DOCK10: variants seen among roughly 807,000 people sequenced by gnomAD.
The protein encoded by DOCK10 is dedicator of cytokinesis 10, also known as dedicator of cytokinesis protein 10.
In DOCK10, 145 loss-of-function variants were observed where a neutral mutation model predicts 280.1. The observed-to-expected ratio is 0.52, with a 90% CI of 0.45 to 0.59. The LOEUF is 0.59. Among genes scored for constraint, DOCK10 ranks in the 20% least tolerant of loss-of-function variants. The probability of loss-of-function intolerance (pLI) is 0.00; values close to 1 mark genes in which losing one functional copy is unlikely to be tolerated. For synonymous variants in DOCK10, 915 were observed against 942.2 expected (o/e 0.97, Z 0.53); for missense variants, 2,368 against 2,651.7 (o/e 0.89, Z 2.35).
At chr2:224,962,088 C>T (rs1304950321) in intron 1 of DOCK10, among the ~76,000 whole-genome samples, 1 of 152,192 alleles carries the variant, frequency 6.6e-6, no homozygotes, top group Non-Finnish European at 1.5e-5. Flanking sequence ...AAGACCTCTG[C>T]ATCTGTCCCA....
At chr2:224,989,683 C>T (rs1425961138) in intron 1 of DOCK10, among the ~76,000 whole-genome samples, 1 of 152,130 alleles carries the variant, frequency 6.6e-6, no homozygotes, top group Non-Finnish European at 1.5e-5. Flanking sequence ...CAGGTCTGAA[C>T]TCAATTAAAT....
At chr2:225,016,528 CAT>C (rs916336273) in intron 1 of DOCK10, among the ~76,000 whole-genome samples, 81 of 138,500 alleles carry the variant, frequency 5.8e-4, no homozygotes, top group African/African-American at 2.1e-3. Flanking sequence ...TCTATATGCA[CAT>C]AGATACATAT....
At chr2:225,028,667 A>G (rs1026045424) in intron 1 of DOCK10, among the ~76,000 whole-genome samples, 8 of 152,224 alleles carry the variant, frequency 5.3e-5, no homozygotes, top group Non-Finnish European at 1.2e-4. Context: ...CATTGAGGGC[A>G]CTGAGACAGC....
chr2:224,943,761 C>CTTT (rs67538456), intron 1 of DOCK10, among the ~76,000 whole-genome samples: 2 of 107,408 alleles, frequency 1.9e-5, no homozygotes, highest in Non-Finnish European at 3.7e-5. Context: ...TTTTTCTTTT[C>CTTT]TTTTTTTTTT....
chr2:224,935,923 A>T (rs1702664376), intron 1 of DOCK10, among the ~76,000 whole-genome samples: 1 of 152,198 alleles, frequency 6.6e-6, no homozygotes, highest in Non-Finnish European at 1.5e-5. Flanking sequence ...GATTTATACG[A>T]GGATGTCTTT....
intron 7 of DOCK10, among the ~76,000 whole-genome samples, 167 bp downstream of exon 7, chr2:224,885,504 C>A (rs1699225056): frequency 6.6e-6 from 1 of 152,094 alleles, no homozygotes; most frequent in South Asian, 2.1e-4. Context: ...TTCTTTCTCT[C>A]TGGAAAGTAA....
chr2:224,987,099 G>C (rs1449514), intron 1 of DOCK10, among the ~76,000 whole-genome samples: 63,399 of 151,996 alleles, frequency 0.42, 14,190 homozygotes, highest in African/African-American at 0.53. Context: ...GTGGTGCGTG[G>C]AGTACATTTT....
intron 1 of DOCK10, among the ~76,000 whole-genome samples, chr2:224,984,927 G>C (rs1288922672): frequency 6.6e-6 from 1 of 150,702 alleles, no homozygotes; most frequent in Non-Finnish European, 1.5e-5. Context: ...CTGCAACCTC[G>C]GCCTCCCAGG....
intron 1 of DOCK10, among the ~76,000 whole-genome samples, chr2:224,955,630 G>A (rs547910064): frequency 1.3e-5 from 2 of 152,340 alleles, no homozygotes; most frequent in Admixed American, 1.3e-4. Context: ...AGTGTTTAAT[G>A]CCTTGCATTG....
chr2:224,844,973 C>A, intron 21 of DOCK10, 134 bp from the exon 22 acceptor site: 1 of 814,126 alleles, frequency 1.2e-6, no homozygotes, highest in Non-Finnish European at 2.0e-6. Context: ...ATAAAAGATG[C>A]AAATACATTT....
intron 19 of DOCK10, among the ~76,000 whole-genome samples, chr2:224,847,936 T>C (rs891051732): frequency 1.3e-5 from 2 of 152,158 alleles, no homozygotes; most frequent in Non-Finnish European, 2.9e-5. Context: ...TTAAGGACCA[T>C]GAAATGGGGA....
chr2:224,870,815 A>AT (rs71410336), intron 11 of DOCK10, among the ~76,000 whole-genome samples: 1,316 of 52,558 alleles, frequency 0.025, 394 homozygotes, highest in African/African-American at 0.048. Flanking sequence ...TGGCCACTCC[A>AT]TTTTTTTTTT....
intron 11 of DOCK10, among the ~76,000 whole-genome samples, chr2:224,870,829 T>A (rs1372626539): frequency 2.2e-5 from 3 of 134,866 alleles, no homozygotes; most frequent in Non-Finnish European, 4.7e-5. Flanking sequence ...TTTTTTTTTT[T>A]TTTTTTTTTT....
At chr2:224,918,663 G>A (rs1028570415) in intron 2 of DOCK10, among the ~76,000 whole-genome samples, 2 of 149,076 alleles carry the variant, frequency 1.3e-5, no homozygotes, top group South Asian at 4.3e-4. Flanking sequence ...TGTATATGGT[G>A]TGAGTATGAG....
intron 50 of DOCK10, among the ~76,000 whole-genome samples, chr2:224,779,415 C>T (rs1276767371): frequency 6.6e-6 from 1 of 151,954 alleles, no homozygotes; most frequent in African/African-American, 2.4e-5. Context: ...GGAGTTTCGC[C>T]ATGTTGGCCA....
intron 2 of DOCK10, among the ~76,000 whole-genome samples, chr2:224,928,112 C>T (rs1045865398): frequency 3.9e-5 from 6 of 152,144 alleles, no homozygotes; most frequent in Non-Finnish European, 7.3e-5. Context: ...CCTGTTGGTG[C>T]GCCACGTCCC....
In DOCK10 at chr2:224,823,641, G is replaced by A. The variant is rs369029926; in HGVS notation, c.3043C>T (p.Arg1015Trp). 25 of 1,590,304 alleles carry A rather than the reference G, an allele frequency of 1.6e-5. No individual in the cohort carries two copies. The highest frequency in any genetic ancestry group is 4.7e-5 in the East Asian group (2 of 42,988). Residue 1015 changes from arginine to tryptophan, a missense_variant, in exon 28 of 56, where the codon CGG (arginine) becomes TGG (tryptophan). Physicochemically the swap from Arg to Trp is moderately radical, Grantham distance 101. This residue lies in a region of DOCK10 where 1,209 missense variants were observed against 1,250.9 expected (regional missense o/e 0.97). Transcript: ENST00000258390. Reference sequence around the variant, plus strand: ...TAAGATTCAGGAAATCTCTGAGGCCGGGGAAGCTAAGGAAAGAACGGATTA... The same window carrying A: ...TAAGATTCAGGAAATCTCTGAGGCCAGGGAAGCTAAGGAAAGAACGGATTA... ...LIDTNKIQLP[R>W]PQRFPESYQN...
chr2:224,956,855 A>G (rs1704071562), intron 1 of DOCK10, among the ~76,000 whole-genome samples: 2 of 152,110 alleles, frequency 1.3e-5, no homozygotes, highest in African/African-American at 4.8e-5. Context: ...CCTAATGTAT[A>G]CTCAGTCAGG....
At chr2:225,035,573 T>TATATATATATATATATATATATATG (rs1690229207) in intron 1 of DOCK10, among the ~76,000 whole-genome samples, 2 of 44,152 alleles carry the variant, frequency 4.5e-5, no homozygotes, top group African/African-American at 1.1e-4. Flanking sequence ...TATATATATA[T>TATATATATATATATATATATATATG]ATATATATAT....
Sources: gnomAD v4.1 joint callset for allele counts (sites outside exome capture counted in the v4.1 genomes callset) on GRCh38, gnomAD v4.1.1 for gene constraint, gnomAD v4.1.1 regional missense constraint, MANE v1.5 for transcripts, NCBI Gene and HGNC (gene_info 2026-07-23, HGNC 2026-07-21) for gene names.